Variants in RNF13 observed in about 807,000 individuals in gnomAD.
RNF13 encodes ring finger protein 13.
RNF13 carries 19 observed loss-of-function variants against 37.7 expected under a neutral mutation model. That is an observed-to-expected ratio of 0.50 (90% CI 0.35 to 0.74). RNF13 has a LOEUF of 0.74. Ranked by LOEUF, RNF13 falls within the 30% of genes least tolerant of loss-of-function variation. The pLI is 0.01. For missense variants in RNF13, 375 were observed against 453.0 expected, an observed-to-expected ratio of 0.83 and a Z score of 1.56; for synonymous variants, 144 against 157.8, an observed-to-expected ratio of 0.91 and a Z score of 0.65.
intron 1 of RNF13, among the ~76,000 whole-genome samples, chr3:149,841,495 G>A (rs895589732): frequency 5.9e-5 from 9 of 152,144 alleles, no homozygotes; most frequent in Non-Finnish European, 1.3e-4. Context: ...TAGTTCCTGG[G>A]TAACATGTGA....
chr3:149,829,982 T>C (rs1258083758), intron 1 of RNF13, among the ~76,000 whole-genome samples: 2 of 151,148 alleles, frequency 1.3e-5, no homozygotes, highest in African/African-American at 4.9e-5. Context: ...CTTGCTGCCA[T>C]GTAAGACATG....
intron 1 of RNF13, among the ~76,000 whole-genome samples, chr3:149,841,711 C>T (rs1407252309): frequency 6.6e-6 from 1 of 152,068 alleles, no homozygotes; most frequent in African/African-American, 2.4e-5. Flanking sequence ...CCTCTGCCTC[C>T]CGGGTTCAAG....
chr3:149,824,517 C>T (rs934214387), intron 1 of RNF13, among the ~76,000 whole-genome samples: 31 of 152,280 alleles, frequency 2.0e-4, no homozygotes, highest in African/African-American at 6.3e-4. Context: ...TTGGCAGCCT[C>T]TAGAAGCTGA....
chr3:149,900,371 A>G (rs1715693900), intron 5 of RNF13, among the ~76,000 whole-genome samples: 1 of 152,224 alleles, frequency 6.6e-6, no homozygotes, highest in South Asian at 2.1e-4. Context: ...AAAATAGAAA[A>G]TATCTCCCAA....
intron 2 of RNF13, among the ~76,000 whole-genome samples, chr3:149,848,410 A>C (rs1196174772): frequency 6.6e-6 from 1 of 152,202 alleles, no homozygotes; most frequent in Non-Finnish European, 1.5e-5. Flanking sequence ...TGGCTTGTGA[A>C]AGCATATAAC....
intron 1 of RNF13, among the ~76,000 whole-genome samples, chr3:149,832,693 A>G (rs746654792): frequency 1.1e-4 from 17 of 152,228 alleles, no homozygotes; most frequent in Non-Finnish European, 1.8e-4. Flanking sequence ...CAGAAATGAA[A>G]GAGGGGACAC....
intron 8 of RNF13, among the ~76,000 whole-genome samples, chr3:149,924,344 G>A (rs1718434833): frequency 6.6e-6 from 1 of 152,178 alleles, no homozygotes; most frequent in African/African-American, 2.4e-5. Context: ...GCATGAAAAT[G>A]TATTTATATC....
At chr3:149,896,915 T>C (rs1023630259) in intron 5 of RNF13, among the ~76,000 whole-genome samples, 1 of 152,230 alleles carries the variant, frequency 6.6e-6, no homozygotes, top group African/African-American at 2.4e-5. Context: ...TCTTCATGAC[T>C]GTAGAATCCA....
intron 8 of RNF13, among the ~76,000 whole-genome samples, chr3:149,936,587 G>A (rs1003444650): frequency 2.6e-5 from 4 of 151,780 alleles, no homozygotes; most frequent in African/African-American, 9.7e-5. Context: ...TAATCTGTTT[G>A]TTAAATTTTT....
intron 8 of RNF13, among the ~76,000 whole-genome samples, chr3:149,945,457 G>T (rs1430398674): frequency 1.3e-5 from 2 of 152,204 alleles, no homozygotes; most frequent in African/African-American, 2.4e-5. Flanking sequence ...AGCTCAAGGA[G>T]GCCTGCCTGC....
chr3:149,862,626 G>A (rs1724375464), intron 3 of RNF13, among the ~76,000 whole-genome samples: 1 of 151,850 alleles, frequency 6.6e-6, no homozygotes, highest in African/African-American at 2.4e-5. Context: ...CATTTTAACT[G>A]TTGCATACTG....
At chr3:149,908,462 G>T (rs1716654860) in intron 6 of RNF13, among the ~76,000 whole-genome samples, 1 of 152,158 alleles carries the variant, frequency 6.6e-6, no homozygotes, top group Non-Finnish European at 1.5e-5. Flanking sequence ...TATCACAGTA[G>T]ACATTTAGTA....
At chr3:149,909,250 G>T (rs2108513463) in intron 6 of RNF13, among the ~76,000 whole-genome samples, 1 of 151,674 alleles carries the variant, frequency 6.6e-6, no homozygotes, top group Admixed American at 6.6e-5. Flanking sequence ...AGTGTACATT[G>T]AGCTTTTGAT....
chr3:149,832,094 G>A (rs1211195837), intron 1 of RNF13, among the ~76,000 whole-genome samples: 2 of 152,038 alleles, frequency 1.3e-5, no homozygotes, highest in Admixed American at 1.3e-4. Flanking sequence ...GCTTATTGTA[G>A]TATAAGGTAC....
chr3:149,828,020 A>G (rs934646228), intron 1 of RNF13, among the ~76,000 whole-genome samples: 4 of 151,762 alleles, frequency 2.6e-5, no homozygotes, highest in African/African-American at 7.3e-5. Context: ...GTGCTCCACC[A>G]TTAACATGGT....
chr3:149,867,956 T>G (rs908921242), intron 3 of RNF13, among the ~76,000 whole-genome samples: 1 of 151,890 alleles, frequency 6.6e-6, no homozygotes. Context: ...GCATTGTCAT[T>G]ACTATGAGGC....
intron 6 of RNF13, among the ~76,000 whole-genome samples, chr3:149,910,107 G>A (rs191476841): frequency 6.6e-6 from 1 of 152,226 alleles, no homozygotes; most frequent in Non-Finnish European, 1.5e-5. Context: ...GGAGGTTATA[G>A]AGGATTAGCG....
intron 1 of RNF13, among the ~76,000 whole-genome samples, chr3:149,827,923 A>G (rs1720665358): frequency 6.6e-6 from 1 of 150,550 alleles, no homozygotes; most frequent in Non-Finnish European, 1.5e-5. Flanking sequence ...CAGCCTGGGC[A>G]GCAAGGCAAG....
chr3:149,924,313 A>G (rs1012421063), intron 8 of RNF13, among the ~76,000 whole-genome samples: 10 of 152,172 alleles, frequency 6.6e-5, no homozygotes, highest in Non-Finnish European at 1.2e-4. Flanking sequence ...TTTAAGAGAG[A>G]GGTCTGAACT....
Sources: allele counts gnomAD v4.1 joint callset (sites outside exome capture counted in the v4.1 genomes callset), GRCh38; gene constraint gnomAD v4.1.1; transcripts MANE v1.5; gene names NCBI Gene and HGNC (gene_info 2026-07-23, HGNC 2026-07-21).